The following PTPRD variants were observed in gnomAD, a reference collection of about 807,000 sequenced individuals.
PTPRD encodes the protein receptor-type tyrosine-protein phosphatase delta.
In PTPRD, 34 loss-of-function variants were observed where a neutral mutation model predicts 214.5. That is an observed-to-expected ratio of 0.16 (90% CI 0.12 to 0.21). The LOEUF (loss-of-function observed/expected upper bound fraction) is 0.21. PTPRD is among the 10% of genes least tolerant of loss of function. PTPRD has a pLI of 1.00. For missense variants in PTPRD, 2,545 were observed against 2,398.7 expected (o/e 1.06, Z -1.27); for synonymous variants, 1,128 against 845.7 (o/e 1.33, Z -5.79).
chr9:9,169,451 A>G (rs1239682248), intron 10 of PTPRD, among the ~76,000 whole-genome samples: 1 of 152,160 alleles, frequency 6.6e-6, no homozygotes, highest in Non-Finnish European at 1.5e-5. Context: ...ACTTTTCTTC[A>G]GTTTGCAATG....
chr9:9,071,493 A>T (rs902057130), intron 10 of PTPRD, among the ~76,000 whole-genome samples: 11 of 152,158 alleles, frequency 7.2e-5, no homozygotes, highest in Non-Finnish European at 1.5e-4. Context: ...TGATGCAAGC[A>T]GTCAGGTTGA....
intron 5 of PTPRD, among the ~76,000 whole-genome samples, chr9:9,885,301 A>G (rs944071185): frequency 5.3e-5 from 8 of 152,246 alleles, no homozygotes; most frequent in Non-Finnish European, 8.8e-5. Flanking sequence ...TCAAAGTAAG[A>G]TAAGGCCAAC....
In PTPRD at chr9:8,608,135, T is replaced by A. The variant is rs1039507070; in HGVS notation, c.352+25182A>T. ...TATTTCTAAACCTTTTTTTTTTTAA[T>A]CTAGACTTCTGTATAGGATATATCT... On this transcript the variant is annotated intron_variant, in intron 14 of 45. Transcript: ENST00000381196. Among the ~76,000 whole-genome samples, 5 of 148,582 alleles carry A rather than the reference T, an allele frequency of 3.4e-5. No individual in the cohort carries two copies. The East Asian group carries it at 9.8e-4, about 29-fold the overall frequency.
chr9:8,992,872 G>T (rs575794831), intron 11 of PTPRD, among the ~76,000 whole-genome samples: 1 of 152,234 alleles, frequency 6.6e-6, no homozygotes, highest in African/African-American at 2.4e-5. Flanking sequence ...ATCAAGCTTG[G>T]AGGTAATATG....
At chr9:9,411,708 A>G (rs2075493954) in intron 8 of PTPRD, among the ~76,000 whole-genome samples, 1 of 152,256 alleles carries the variant, frequency 6.6e-6, no homozygotes, top group Non-Finnish European at 1.5e-5. Flanking sequence ...GCAAATGGCG[A>G]GAATGCCTGC....
At chr9:10,366,936 G>C (rs1274854139) in intron 2 of PTPRD, among the ~76,000 whole-genome samples, 1 of 152,078 alleles carries the variant, frequency 6.6e-6, no homozygotes, top group African/African-American at 2.4e-5. Flanking sequence ...TAGGAAGAAG[G>C]AAGTTTCTTG....
intron 7 of PTPRD, among the ~76,000 whole-genome samples, chr9:9,728,550 T>C (rs2098131929): frequency 6.6e-6 from 1 of 152,134 alleles, no homozygotes; most frequent in African/African-American, 2.4e-5. Context: ...ACTTCCACTC[T>C]AAAAGGTAAA....
intron 3 of PTPRD, among the ~76,000 whole-genome samples, chr9:10,267,209 GA>G (rs2094130223): frequency 6.9e-6 from 1 of 145,216 alleles, no homozygotes. Context: ...AAAAAAAAAG[GA>G]AAAAACAAAA....
chr9:10,043,258 ATTAG>A (rs1270469537), intron 3 of PTPRD, among the ~76,000 whole-genome samples: 5 of 151,946 alleles, frequency 3.3e-5, no homozygotes, highest in African/African-American at 7.2e-5. Context: ...CTAGTATCTT[ATTAG>A]TTAAATAATC....
At chr9:8,698,660 T>C (rs989503137) in intron 12 of PTPRD, among the ~76,000 whole-genome samples, 2 of 152,146 alleles carry the variant, frequency 1.3e-5, no homozygotes, top group Admixed American at 6.5e-5. Flanking sequence ...CCTGAGGGGA[T>C]TCTACACCTG....
At chr9:10,091,445 T>C (rs932919434) in intron 3 of PTPRD, among the ~76,000 whole-genome samples, 1 of 151,518 alleles carries the variant, frequency 6.6e-6, no homozygotes, top group East Asian at 1.9e-4. Context: ...TATTAGCAAG[T>C]AGAGTTATAT....
At chr9:9,411,638 T>C (rs1275956698) in intron 8 of PTPRD, among the ~76,000 whole-genome samples, 1 of 152,102 alleles carries the variant, frequency 6.6e-6, no homozygotes, top group Admixed American at 6.5e-5. Flanking sequence ...TGAAAGGAGG[T>C]ATTTGCTGTC....
chr9:10,248,525 A>AC (rs1267463043), intron 3 of PTPRD, among the ~76,000 whole-genome samples: 1 of 31,492 alleles, frequency 3.2e-5, no homozygotes, highest in African/African-American at 5.7e-5. Context: ...AAAAAAAAAA[A>AC]ATAAAAAAAA....
intron 5 of PTPRD, among the ~76,000 whole-genome samples, chr9:9,909,905 T>G (rs73400702): frequency 0.021 from 3,254 of 152,060 alleles, 102 homozygotes; most frequent in African/African-American, 0.074. Context: ...AGTAAAGTAA[T>G]ACATATTCTT....
intron 11 of PTPRD, among the ~76,000 whole-genome samples, chr9:8,755,110 G>C: frequency 6.6e-6 from 1 of 151,822 alleles, no homozygotes; most frequent in Non-Finnish European, 1.5e-5. Context: ...TGGTTAGAGT[G>C]CCAACTGGTA....
intron 11 of PTPRD, among the ~76,000 whole-genome samples, chr9:8,755,276 T>C (rs1353941036): frequency 6.7e-6 from 1 of 149,010 alleles, no homozygotes; most frequent in Non-Finnish European, 1.5e-5. Flanking sequence ...ACGCCTGTAA[T>C]CCCAGCACTT....
intron 6 of PTPRD, among the ~76,000 whole-genome samples, chr9:9,766,306 T>C (rs2098706649): frequency 6.6e-6 from 1 of 152,228 alleles, no homozygotes; most frequent in Admixed American, 6.5e-5. Flanking sequence ...CTATCTTTCA[T>C]GTAGTACGTT....
chr9:10,028,542 A>G (rs1325720543), intron 4 of PTPRD, among the ~76,000 whole-genome samples: 1 of 152,114 alleles, frequency 6.6e-6, no homozygotes, highest in East Asian at 1.9e-4. Flanking sequence ...GGATAATGAA[A>G]TCCAGACTGA....
chr9:9,451,997 C>T (rs935295454), intron 8 of PTPRD, among the ~76,000 whole-genome samples: 9 of 151,378 alleles, frequency 5.9e-5, no homozygotes, highest in East Asian at 3.9e-4. Context: ...AATTATCATA[C>T]GTACAGTATA....
Sources: gnomAD v4.1 joint callset for allele counts (sites outside exome capture counted in the v4.1 genomes callset) on GRCh38, gnomAD v4.1.1 for gene constraint, MANE v1.5 for transcripts, NCBI Gene and HGNC (gene_info 2026-07-23, HGNC 2026-07-21) for gene names.